The following SLC22A3 variants were observed in gnomAD, a reference collection of about 807,000 sequenced individuals.
SLC22A3 encodes the protein EMT organic cation transporter 3.
Under a neutral mutation model 59.1 loss-of-function variants are expected in SLC22A3, and 51 were observed. The observed-to-expected ratio is 0.86, with a 90% CI of 0.69 to 1.09. The LOEUF (loss-of-function observed/expected upper bound fraction) is 1.09. SLC22A3 is among the 50% of genes least tolerant of loss of function. The probability of loss-of-function intolerance (pLI) is 0.00; values close to 1 mark genes in which losing one functional copy is unlikely to be tolerated. For missense variants in SLC22A3, 711 were observed against 726.3 expected (o/e 0.98, Z 0.24); for synonymous variants, 325 against 292.0 (o/e 1.11, Z -1.15).
intron 9 of SLC22A3, among the ~76,000 whole-genome samples, chr6:160,446,073 C>T (rs1788731773): frequency 6.6e-6 from 1 of 152,110 alleles, no homozygotes; most frequent in African/African-American, 2.4e-5. Context: ...AAGTGACAGA[C>T]CTAGGCAGAA....
At chr6:160,388,927 G>C (rs1164916988) in intron 1 of SLC22A3, among the ~76,000 whole-genome samples, 1 of 152,214 alleles carries the variant, frequency 6.6e-6, no homozygotes, top group Non-Finnish European at 1.5e-5. Flanking sequence ...GCTAAGTCAT[G>C]GCCTGCTTGG....
chr6:160,348,636 C>A lies in SLC22A3; in HGVS notation c.217C>A (p.Arg73Ser), dbSNP rs775175214. Residue 73 changes from arginine to serine, a missense_variant, in exon 1 of 11, where the codon CGC becomes AGC. Physicochemically the swap from Arg to Ser is moderately radical, Grantham distance 110. Coordinates refer to ENST00000275300, the MANE Select transcript of SLC22A3 (RefSeq NM_021977.4). ...CGWSPEEEWN[R>S]TAPASRGPEP... ...CTGGAGCCCGGAGGAGGAGTGGAAC[C>A]GCACGGCGCCCGCCTCCCGCGGCCC... The A allele has an allele frequency of 2.8e-5, 42 of 1,504,104 alleles. No individual in the cohort carries two copies. Among genetic ancestry groups the A allele is most frequent in the African/African-American group, 4.4e-5 (3 of 68,870 alleles). The allele number at this position is 1,504,104 out of a possible 1,614,324, so 93.2% of individuals were successfully genotyped here.
chr6:160,432,061 A>T (rs1003757143), intron 5 of SLC22A3, among the ~76,000 whole-genome samples: 3 of 152,186 alleles, frequency 2.0e-5, no homozygotes, highest in Non-Finnish European at 4.4e-5. Flanking sequence ...CAATTTCCTC[A>T]TTCATTCCTT....
At chr6:160,408,322 T>C (rs1439644088) in intron 3 of SLC22A3, among the ~76,000 whole-genome samples, 1 of 152,226 alleles carries the variant, frequency 6.6e-6, no homozygotes, top group African/African-American at 2.4e-5. Context: ...CTTATATTTA[T>C]AATGAATCTT....
Position 160,451,724 on chromosome 6 carries a change from CA to C in SLC22A3, c.*670del, listed in dbSNP as rs1788973198. On this transcript the variant is annotated 3_prime_UTR_variant, in exon 11 of 11. Coordinates refer to ENST00000275300, the MANE Select transcript of SLC22A3 (RefSeq NM_021977.4). ...TAGGCCCTGTTCCAGCAATAAGAAC[CA>C]ATCTGCTGTACAATCTGAGGACTTG... 1 of 152,440 alleles carries C rather than the reference CA, an allele frequency of 6.6e-6. No homozygotes were observed. Among genetic ancestry groups the C allele is most frequent in the African/African-American group, 2.4e-5 (1 of 41,426 alleles). The allele number at this position is 152,440 out of a possible 1,614,324, so 9.4% of individuals were successfully genotyped here.
intron 1 of SLC22A3, among the ~76,000 whole-genome samples, chr6:160,383,808 A>G (rs545296180): frequency 1.3e-5 from 2 of 152,340 alleles, no homozygotes; most frequent in East Asian, 1.9e-4. Flanking sequence ...AAAAAAATAT[A>G]TAAATAAAAA....
chr6:160,399,260 C>T (rs1026822331), intron 2 of SLC22A3, among the ~76,000 whole-genome samples: 16 of 152,162 alleles, frequency 1.1e-4, no homozygotes, highest in African/African-American at 3.9e-4. Flanking sequence ...CTACTTCTAG[C>T]CCTTTCAAGC....
At chr6:160,371,089 AC>A (rs1785382392) in intron 1 of SLC22A3, among the ~76,000 whole-genome samples, 1 of 152,136 alleles carries the variant, frequency 6.6e-6, no homozygotes, top group Non-Finnish European at 1.5e-5. Flanking sequence ...ACTGGGGCTC[AC>A]CTGGAAGCTT....
rs866812296 is a variant in SLC22A3 at position 160,359,740 on chromosome 6, C to T, written c.429+10892C>T. 1.7e-4 allele frequency among the ~76,000 whole-genome samples: 26 copies of T among 152,350 alleles called. No individual in the cohort carries two copies. In the Middle Eastern group the frequency reaches 0.01, roughly 60 times the overall value. ...CAGAAAATTGGTGATAGGGTTGAAA[C>T]TCAACCTTGTTCAAGAAGCATTCAC... On this transcript the variant is annotated intron_variant, in intron 1 of 10. Coordinates refer to ENST00000275300, the MANE Select transcript of SLC22A3 (RefSeq NM_021977.4).
intron 5 of SLC22A3, chr6:160,426,130 A>C: frequency 1.0e-6 from 1 of 985,432 alleles, no homozygotes; most frequent in Non-Finnish European, 1.2e-6. Flanking sequence ...CTTTATTTTG[A>C]GGTGCATCTA....
At chr6:160,383,049 A>G (rs1785854655) in intron 1 of SLC22A3, among the ~76,000 whole-genome samples, 1 of 152,210 alleles carries the variant, frequency 6.6e-6, no homozygotes, top group Non-Finnish European at 1.5e-5. Context: ...GGAGTCCAGC[A>G]CACAAAATCC....
At position 160,443,701 on chromosome 6, in the gene SLC22A3, G is replaced by A. The variant is rs144856002; in HGVS notation, c.1469G>A (p.Arg490Gln). The change falls in exon 9 of 11, where the codon CGG (arginine) becomes CAG (glutamine). Residue 490 changes from arginine to glutamine, a missense_variant. Coordinates refer to ENST00000275300, the MANE Select transcript of SLC22A3 (RefSeq NM_021977.4). ...GGIIAPFLLF[R>Q]LAAVWLELPL... ...ATCATAGCCCCATTTCTGCTCTTTC[G>A]GCTAGCAGCCGTGTGGCTAGAACTA... 29 of 1,613,548 alleles carry A rather than the reference G, an allele frequency of 1.8e-5. No individual in the cohort carries two copies. The highest frequency in any genetic ancestry group is 1.7e-4 in the African/African-American group (13 of 74,888).
chr6:160,378,621 A>G (rs2114789962), intron 1 of SLC22A3, among the ~76,000 whole-genome samples: 1 of 152,344 alleles, frequency 6.6e-6, no homozygotes, highest in East Asian at 1.9e-4. Context: ...TCGACTTAGG[A>G]TGGGATCACA....
chr6:160,378,909 T>G (rs1785695746), intron 1 of SLC22A3, among the ~76,000 whole-genome samples: 1 of 152,204 alleles, frequency 6.6e-6, no homozygotes, highest in Non-Finnish European at 1.5e-5. Context: ...CCAGCATATA[T>G]GACTAGCCTG....
chr6:160,354,374 G>A (rs1319107914), intron 1 of SLC22A3, among the ~76,000 whole-genome samples: 1 of 152,188 alleles, frequency 6.6e-6, no homozygotes, highest in African/African-American at 2.4e-5. Context: ...CCTGGTCATA[G>A]GTGGTGCTCA....
chr6:160,358,104 G>A (rs546044521), intron 1 of SLC22A3, among the ~76,000 whole-genome samples: 14 of 152,282 alleles, frequency 9.2e-5, no homozygotes, highest in African/African-American at 3.4e-4. Context: ...TTGTTGCAGA[G>A]TTTTGTGAAA....
At position 160,349,306 on chromosome 6, in the gene SLC22A3, C is replaced by A. The variant is rs75875695; in HGVS notation, c.429+458C>A. Among the ~76,000 whole-genome samples the A allele has an allele frequency of 2.9e-3, 441 of 152,192 alleles. 13 individuals carry two copies. The East Asian group carries it at 0.069, about 24-fold the overall frequency. ...TGGTCTCCAGGGTCAAAGGAAAGGG[C>A]GAACCAACGTTTGAAGGCAGCAGCA... On this transcript the variant is annotated intron_variant, in intron 1 of 10. Coordinates refer to ENST00000275300, the MANE Select transcript of SLC22A3 (RefSeq NM_021977.4).
intron 1 of SLC22A3, among the ~76,000 whole-genome samples, chr6:160,359,248 G>C (rs1003348845): frequency 2.6e-5 from 4 of 152,150 alleles, no homozygotes; most frequent in Admixed American, 6.5e-5. Context: ...CAGCAGTTGT[G>C]GTGGGGCACT....
intron 2 of SLC22A3, among the ~76,000 whole-genome samples, chr6:160,405,592 T>G (rs561545624): frequency 1.6e-4 from 24 of 152,148 alleles, no homozygotes; most frequent in Admixed American, 2.6e-4. Context: ...CCAAAAAAGT[T>G]GAAAACTCAT....
Sources: gnomAD v4.1 joint callset for allele counts (sites outside exome capture counted in the v4.1 genomes callset) on GRCh38, gnomAD v4.1.1 for gene constraint, MANE v1.5 for transcripts, NCBI Gene and HGNC (gene_info 2026-07-23, HGNC 2026-07-21) for gene names.